LRRFIP2: variants seen among roughly 807,000 people sequenced by gnomAD.
LRRFIP2 encodes LRR binding FLII interacting protein 2, also known as leucine-rich repeat flightless-interacting protein 2.
A neutral mutation model predicts 125.9 loss-of-function variants in LRRFIP2; 109 were observed. That is an observed-to-expected ratio of 0.87 (90% CI 0.74 to 1.01). The LOEUF (loss-of-function observed/expected upper bound fraction) is 1.01, where lower values mean the gene tolerates loss of function less well. LRRFIP2 is among the 50% of genes least tolerant of loss of function. The pLI is 0.00. For missense variants in LRRFIP2, 850 were observed against 862.3 expected, an observed-to-expected ratio of 0.99 and a Z score of 0.18; for synonymous variants, 291 against 293.1, an observed-to-expected ratio of 0.99 and a Z score of 0.07.
At chr3:37,138,525 G>C (rs1269929860) in intron 2 of LRRFIP2, among the ~76,000 whole-genome samples, 3 of 152,164 alleles carry the variant, frequency 2.0e-5, no homozygotes, top group African/African-American at 7.2e-5. Flanking sequence ...TATTTCTTCA[G>C]GATGTAGGTA....
chr3:37,136,546 A>C (rs2095558166), intron 2 of LRRFIP2, among the ~76,000 whole-genome samples: 1 of 152,164 alleles, frequency 6.6e-6, no homozygotes, highest in Non-Finnish European at 1.5e-5. Context: ...AAAACTTAAT[A>C]TATAAAATGG....
At chr3:37,100,238 T>C (rs906537260) in intron 15 of LRRFIP2, among the ~76,000 whole-genome samples, 1 of 151,960 alleles carries the variant, frequency 6.6e-6, no homozygotes, top group Non-Finnish European at 1.5e-5. Context: ...GGCAGGAAGA[T>C]CAGTTGAGCC....
intron 18 of LRRFIP2, among the ~76,000 whole-genome samples, chr3:37,091,147 A>C (rs1280919675): frequency 6.6e-6 from 1 of 152,032 alleles, no homozygotes; most frequent in African/African-American, 2.4e-5. Flanking sequence ...AGGCCAAGGC[A>C]GGAGGATGGC....
At chr3:37,075,887 T>C (rs1219079754) in intron 19 of LRRFIP2, among the ~76,000 whole-genome samples, 1 of 152,108 alleles carries the variant, frequency 6.6e-6, no homozygotes, top group Non-Finnish European at 1.5e-5. Flanking sequence ...AAAAACCCAC[T>C]TAAATATACA....
chr3:37,165,718 T>C (rs2096463480), intron 1 of LRRFIP2, among the ~76,000 whole-genome samples: 1 of 147,508 alleles, frequency 6.8e-6, no homozygotes, highest in African/African-American at 2.5e-5. Context: ...ATTACACCAT[T>C]GCACTCTAGC....
chr3:37,124,049 CAA>C (rs1170146812), intron 4 of LRRFIP2, among the ~76,000 whole-genome samples: 2 of 152,098 alleles, frequency 1.3e-5, no homozygotes, highest in Non-Finnish European at 2.9e-5. Flanking sequence ...TTAATTTGGA[CAA>C]AGAGTATAGT....
intron 4 of LRRFIP2, among the ~76,000 whole-genome samples, chr3:37,123,155 C>T (rs918880971): frequency 8.6e-5 from 13 of 151,982 alleles, no homozygotes; most frequent in South Asian, 2.1e-4. Flanking sequence ...TTTAGGAATT[C>T]GTCACTGATT....
chr3:37,162,840 T>C lies in LRRFIP2; in HGVS notation c.-56+11699A>G, dbSNP rs115185850. Among the ~76,000 whole-genome samples the C allele has an allele frequency of 3.1e-3, 479 of 152,304 alleles. 5 individuals carry two copies. The highest frequency in any genetic ancestry group is 0.011 in the African/African-American group (459 of 41,572). On this transcript the variant is annotated intron_variant, in intron 1 of 27. Transcript: ENST00000336686. Reference sequence around the variant, plus strand: ...TCCATTTAACATGAGATGTGCCTGGTCCAGGTTTTCATTGGAATTTAGTTT... The same window carrying C: ...TCCATTTAACATGAGATGTGCCTGGCCCAGGTTTTCATTGGAATTTAGTTT...
chr3:37,071,775 G>A (rs527566163), intron 21 of LRRFIP2, among the ~76,000 whole-genome samples: 1 of 152,250 alleles, frequency 6.6e-6, no homozygotes, highest in Admixed American at 6.5e-5. Flanking sequence ...TCCCTGACAA[G>A]GTAAGCCTCT....
At chr3:37,066,620 G>A in intron 21 of LRRFIP2, 1 of 261,288 alleles carries the variant, frequency 3.8e-6, no homozygotes, top group Non-Finnish European at 7.5e-6. Flanking sequence ...AAATAAAACA[G>A]GAAAAGGAAG....
chr3:37,098,868 A>C (rs2093873030), intron 15 of LRRFIP2, among the ~76,000 whole-genome samples: 1 of 152,142 alleles, frequency 6.6e-6, no homozygotes. Flanking sequence ...TTTTCTGCTA[A>C]TGTGTTAAAG....
At chr3:37,120,793 AT>A (rs1260345055) in intron 6 of LRRFIP2, among the ~76,000 whole-genome samples, 1 of 151,376 alleles carries the variant, frequency 6.6e-6, no homozygotes, top group South Asian at 2.1e-4. Context: ...AATAAAAAAA[AT>A]TTTAAATAAA....
intron 1 of LRRFIP2, chr3:37,170,730 C>G (rs763700757): frequency 6.6e-6 from 1 of 152,136 alleles, no homozygotes; most frequent in Non-Finnish European, 1.5e-5. Context: ...CAGAAGATAA[C>G]ATCAATGCTG....
chr3:37,095,033 T>G (rs1057162741), intron 16 of LRRFIP2, 125 bp from the exon 17 acceptor site: 59 of 669,602 alleles, frequency 8.8e-5, no homozygotes, highest in Non-Finnish European at 1.4e-4. Context: ...TTACCATGTG[T>G]AATCAATGGT....
At chr3:37,123,800 A>C (rs1349242873) in intron 4 of LRRFIP2, among the ~76,000 whole-genome samples, 1 of 152,094 alleles carries the variant, frequency 6.6e-6, no homozygotes, top group Non-Finnish European at 1.5e-5. Context: ...CACACAGAGC[A>C]TTTTCAAAAA....
intron 9 of LRRFIP2, among the ~76,000 whole-genome samples, chr3:37,110,122 G>C (rs994408344): frequency 2.6e-5 from 4 of 152,130 alleles, no homozygotes; most frequent in Admixed American, 6.5e-5. Flanking sequence ...AATTGGCTTA[G>C]ACTGATTTTT....
chr3:37,150,864 C>T (rs918832901), intron 1 of LRRFIP2, among the ~76,000 whole-genome samples: 6 of 152,096 alleles, frequency 3.9e-5, no homozygotes, highest in East Asian at 1.9e-4. Context: ...TAGTTGATTC[C>T]GGCTAAATAA....
chr3:37,090,748 T>A (rs749180548), intron 18 of LRRFIP2, among the ~76,000 whole-genome samples: 1 of 152,134 alleles, frequency 6.6e-6, no homozygotes, highest in Non-Finnish European at 1.5e-5. Context: ...TACATTTACC[T>A]CCAAATTCTT....
At chr3:37,094,156 G>A (rs2093608219) in intron 17 of LRRFIP2, among the ~76,000 whole-genome samples, 1 of 152,064 alleles carries the variant, frequency 6.6e-6, no homozygotes, top group East Asian at 1.9e-4. Context: ...AATCTCCAAG[G>A]CCAAGTGCTC....
Sources: allele counts gnomAD v4.1 joint callset (sites outside exome capture counted in the v4.1 genomes callset), GRCh38; gene constraint gnomAD v4.1.1; transcripts MANE v1.5; gene names NCBI Gene and HGNC (gene_info 2026-07-23, HGNC 2026-07-21).